Variants in SLC18A1 observed in about 807,000 individuals in gnomAD.
The protein encoded by SLC18A1 is chromaffin granule amine transporter.
In SLC18A1, 69 loss-of-function variants were observed where a neutral mutation model predicts 53.7. That is an observed-to-expected ratio of 1.28 (90% confidence interval 1.06 to 1.57). SLC18A1 has a LOEUF of 1.57. Ranked by LOEUF, SLC18A1 falls within the 40% of genes most tolerant of loss-of-function variation. The pLI is 0.00. For synonymous variants in SLC18A1, 320 were observed against 248.1 expected, an observed-to-expected ratio of 1.29 and a Z score of -2.72; for missense variants, 932 against 668.1, an observed-to-expected ratio of 1.40 and a Z score of -4.35.
chr8:20,172,506 A>G (rs1346497392), intron 6 of SLC18A1, among the ~76,000 whole-genome samples: 1 of 152,196 alleles, frequency 6.6e-6, no homozygotes, highest in Non-Finnish European at 1.5e-5. Flanking sequence ...ATTAAGTTGT[A>G]TGAGGGAGGA....
chr8:20,167,860 A>G (rs928403992), intron 8 of SLC18A1, among the ~76,000 whole-genome samples: 1 of 151,920 alleles, frequency 6.6e-6, no homozygotes, highest in African/African-American at 2.4e-5. Context: ...TGACCTCATG[A>G]TCCGCCTGCC....
intron 10 of SLC18A1, among the ~76,000 whole-genome samples, chr8:20,156,691 A>T (rs1563735206): frequency 6.6e-6 from 1 of 152,212 alleles, no homozygotes; most frequent in South Asian, 2.1e-4. Context: ...AACAGGATCC[A>T]TCTCTCATAT....
Position 20,179,411 on chromosome 8 carries a change from G to A in SLC18A1, c.198C>T (p.Ala66=), listed in dbSNP as rs765358714. ...AGGCGAGGGCATGTGGGGAACTTCC[G>A]GCATGGCCGAGGTGCAGAGAAGAGT... ...EVNSSLHLGH[A]GSSPHALASP... is the part of the protein sequence containing the mutation. Residue 66 remains alanine, a synonymous_variant, in exon 3 of 16, where the codon GCC becomes GCT. Coordinates refer to ENST00000276373, the MANE Select transcript of SLC18A1 (RefSeq NM_003053.4). The A allele has an allele frequency of 1.5e-5, 25 of 1,614,094 alleles. No individual in the cohort carries two copies. Among genetic ancestry groups the A allele is most frequent in the South Asian group, 7.7e-5 (7 of 91,076 alleles).
Position 20,179,410 on chromosome 8 carries a change from C to G in SLC18A1, c.199G>C (p.Gly67Arg). Residue 67 changes from glycine (G) to arginine (R), a missense_variant, in exon 3 of 16, where the codon GGA (glycine) becomes CGA (arginine). Coordinates refer to ENST00000276373, the MANE Select transcript of SLC18A1 (RefSeq NM_003053.4). ...VNSSLHLGHA[G>R]SSPHALASPA... ...GAGGCGAGGGCATGTGGGGAACTTC[C>G]GGCATGGCCGAGGTGCAGAGAAGAG... 1 of 1,614,058 alleles carries G rather than the reference C, an allele frequency of 6.2e-7. No homozygotes were observed. The highest frequency in any genetic ancestry group is 8.5e-7 in the Non-Finnish European group (1 of 1,180,028).
At chr8:20,165,536 A>G (rs1342311926) in intron 8 of SLC18A1, among the ~76,000 whole-genome samples, 1 of 152,210 alleles carries the variant, frequency 6.6e-6, no homozygotes, top group Non-Finnish European at 1.5e-5. Context: ...CACAGAAGCC[A>G]TAACTCAGAA....
intron 12 of SLC18A1, among the ~76,000 whole-genome samples, chr8:20,149,206 T>C (rs2071482229): frequency 6.6e-6 from 1 of 152,168 alleles, no homozygotes; most frequent in Admixed American, 6.5e-5. Flanking sequence ...CTTTCTTTCT[T>C]CTTCTATCAA....
intron 12 of SLC18A1, chr8:20,148,340 T>G (rs190661321): frequency 1.4e-6 from 1 of 724,624 alleles, no homozygotes; most frequent in African/African-American, 1.8e-5. Flanking sequence ...ACCTCAGACT[T>G]GGCTCCATTA....
chr8:20,166,560 G>A (rs949355550), intron 8 of SLC18A1, among the ~76,000 whole-genome samples: 1 of 151,506 alleles, frequency 6.6e-6, no homozygotes, highest in Non-Finnish European at 1.5e-5. Flanking sequence ...GGTTACCTAT[G>A]AGTGGTAGGG....
chr8:20,174,988 A>C (rs2072220739), intron 4 of SLC18A1, among the ~76,000 whole-genome samples: 1 of 152,222 alleles, frequency 6.6e-6, no homozygotes, highest in African/African-American at 2.4e-5. Context: ...AACCAGACAA[A>C]ATCAGCAGGT....
rs371899625 is a variant in SLC18A1 at position 20,180,371 on chromosome 8, A to G, written c.124+470T>C. Among the ~76,000 whole-genome samples the G allele has an allele frequency of 2.6e-5, 4 of 152,232 alleles. 1 individual carries two copies. Among genetic ancestry groups the G allele is most frequent in the Non-Finnish European group, 4.4e-5 (3 of 68,048 alleles). On this transcript the variant is annotated intron_variant, in intron 2 of 15. Coordinates refer to ENST00000276373, the MANE Select transcript of SLC18A1 (RefSeq NM_003053.4). ...TAATGTAATGATTAGGAGAGTATCA[A>G]CTAAAAAAAGCAGGATTCTGAGGGA...
chr8:20,163,574 C>T (rs185847180), intron 10 of SLC18A1, among the ~76,000 whole-genome samples: 13 of 152,204 alleles, frequency 8.5e-5, no homozygotes, highest in African/African-American at 2.4e-4. Flanking sequence ...GCTCCCAACA[C>T]CTTTGAGGGA....
chr8:20,179,212 C>G lies in SLC18A1; in HGVS notation c.397G>C (p.Glu133Gln), dbSNP rs752643356. The part of the protein sequence containing the change: ...NNCLQGTGFL[E>Q]EEITRVGVLF... ...ACCCCGACCCGGGTAATCTCTTCCT[C>G]CAAGAAACCTGTGCCTTGCAAGCAG... The change falls in exon 3 of 16, where the codon GAG becomes CAG. Residue 133 changes from glutamate to glutamine, a missense_variant. By Grantham distance (29) the Glu-to-Gln change is conservative. Coordinates refer to ENST00000276373, the MANE Select transcript of SLC18A1 (RefSeq NM_003053.4). The G allele has an allele frequency of 2.5e-6, 4 of 1,614,044 alleles. No individual in the cohort carries two copies. In the East Asian group the frequency reaches 6.7e-5, roughly 27 times the overall value.
At chr8:20,169,629 A>G (rs2072059752) in intron 8 of SLC18A1, among the ~76,000 whole-genome samples, 1 of 152,176 alleles carries the variant, frequency 6.6e-6, no homozygotes, top group Non-Finnish European at 1.5e-5. Flanking sequence ...CTACAATCCC[A>G]GCACTTTGGG....
At chr8:20,180,264 C>T (rs955029104) in intron 2 of SLC18A1, among the ~76,000 whole-genome samples, 2 of 152,018 alleles carry the variant, frequency 1.3e-5, no homozygotes, top group African/African-American at 4.8e-5. Flanking sequence ...AACAACTTGT[C>T]TCAGAAAGAT....
intron 10 of SLC18A1, among the ~76,000 whole-genome samples, chr8:20,161,660 C>A (rs992171491): frequency 3.9e-5 from 6 of 152,140 alleles, no homozygotes; most frequent in African/African-American, 1.4e-4. Context: ...ATTCTTATTT[C>A]AAAAGGAAGC....
intron 4 of SLC18A1, among the ~76,000 whole-genome samples, chr8:20,177,977 G>C (rs2072291457): frequency 6.6e-6 from 1 of 152,092 alleles, no homozygotes; most frequent in Non-Finnish European, 1.5e-5. Flanking sequence ...AAAGCAGTAG[G>C]CTTTTTGGAA....
chr8:20,167,832 A>G (rs2072007912), intron 8 of SLC18A1, among the ~76,000 whole-genome samples: 1 of 151,832 alleles, frequency 6.6e-6, no homozygotes, highest in Non-Finnish European at 1.5e-5. Flanking sequence ...TGTGTTAGCC[A>G]GGATGGTCTC....
In SLC18A1 at chr8:20,177,829, T is replaced by C. The variant is rs867633835; in HGVS notation, c.547+606A>G. On this transcript the variant is annotated intron_variant, in intron 4 of 15. Coordinates refer to ENST00000276373, the MANE Select transcript of SLC18A1 (RefSeq NM_003053.4). The stretch of plus-strand genomic sequence containing the variant: ...TCAGCATCAATTTCCAGACTTACTT[T>C]TCTCATGTACTGTGTTTATCCCATC... 2.6e-5 allele frequency among the ~76,000 whole-genome samples: 4 copies of C among 152,298 alleles called. No individual in the cohort carries two copies. The Middle Eastern group carries it at 0.01, about 389-fold the overall frequency.
Position 20,180,913 on chromosome 8 carries a change from C to T in SLC18A1, c.52G>A (p.Ala18Thr). The change falls in exon 2 of 16, where the codon GCG (alanine) becomes ACG (threonine). Residue 18 changes from alanine to threonine, a missense_variant. Coordinates refer to ENST00000276373, the MANE Select transcript of SLC18A1 (RefSeq NM_003053.4). ...APQRLLKEGR[A>T]SRQLVLVVVF... ...ACCACCAGCACCAGCTGCCGGGACG[C>T]TCTCCCCTCCTTCAGCAACCGCTGG... is the stretch of plus-strand genomic sequence containing the variant. The T allele has an allele frequency of 6.2e-7, 1 of 1,610,548 alleles. No homozygotes were observed. The highest frequency in any genetic ancestry group is 1.7e-4 in the Middle Eastern group (1 of 6,056).
Sources: gnomAD v4.1 joint callset for allele counts (sites outside exome capture counted in the v4.1 genomes callset) on GRCh38, gnomAD v4.1.1 for gene constraint, MANE v1.5 for transcripts, NCBI Gene and HGNC (gene_info 2026-07-23, HGNC 2026-07-21) for gene names.